PRKN: variants seen among roughly 807,000 people sequenced by gnomAD.
PRKN encodes the protein E3 ubiquitin-protein ligase parkin.
Under a neutral mutation model 59.5 loss-of-function variants are expected in PRKN, and 56 were observed. The observed-to-expected ratio is 0.94, with a 90% CI of 0.76 to 1.18. PRKN has a LOEUF of 1.18. Among genes scored for constraint, PRKN ranks in the 50% most tolerant of loss-of-function variants. The probability of loss-of-function intolerance (pLI) is 0.00; values close to 1 mark genes in which losing one functional copy is unlikely to be tolerated. For missense variants in PRKN, 657 were observed against 596.4 expected (o/e 1.10, Z -1.06); for synonymous variants, 250 against 222.1 (o/e 1.13, Z -1.12).
chr6:162,015,370 G>C (rs909559954), intron 5 of PRKN, among the ~76,000 whole-genome samples: 2 of 151,990 alleles, frequency 1.3e-5, no homozygotes, highest in Non-Finnish European at 2.9e-5. Flanking sequence ...AGAAACTAGA[G>C]AAAAAAAGAG....
intron 5 of PRKN, among the ~76,000 whole-genome samples, chr6:162,044,265 C>T (rs2128282807): frequency 6.6e-6 from 1 of 152,186 alleles, no homozygotes; most frequent in East Asian, 1.9e-4. Context: ...GAGATTACGC[C>T]TATTACGCTA....
chr6:161,592,705 T>G lies in PRKN; in HGVS notation c.872-23289A>C, dbSNP rs772724740. Among the ~76,000 whole-genome samples the G allele has an allele frequency of 1.3e-5, 2 of 152,060 alleles. No individual in the cohort carries two copies. Among genetic ancestry groups the G allele is most frequent in the Non-Finnish European group, 2.9e-5 (2 of 68,008 alleles). ...GAGGATCTGGAACATCAGCAAAGTC[T>G]TCACTAGGGAGGTCCCTTGTGCAGA... On this transcript the variant is annotated intron_variant, in intron 7 of 11. Coordinates refer to ENST00000366898, the MANE Select transcript of PRKN (RefSeq NM_004562.3). The surrounding 1 kb of genome is among the most constrained non-coding windows in gnomAD (Gnocchi z 4.8).
intron 1 of PRKN, among the ~76,000 whole-genome samples, chr6:162,682,939 T>C (rs140006281): frequency 5.6e-4 from 85 of 152,326 alleles, no homozygotes; most frequent in African/African-American, 2.0e-3. Context: ...ATACAGCTTA[T>C]ATTAAAAATG....
chr6:162,138,119 C>T (rs1292466852), intron 4 of PRKN, among the ~76,000 whole-genome samples: 1 of 152,100 alleles, frequency 6.6e-6, no homozygotes, highest in Non-Finnish European at 1.5e-5. Context: ...AAAGAAGTGA[C>T]TTGCACAGAG....
intron 5 of PRKN, among the ~76,000 whole-genome samples, chr6:162,032,523 G>T (rs916050034): frequency 6.6e-6 from 1 of 152,106 alleles, no homozygotes; most frequent in African/African-American, 2.4e-5. Context: ...CACCTCTAGA[G>T]AGGACAAAAT....
intron 7 of PRKN, 150 bp downstream of exon 7, chr6:161,785,622 C>T (rs1038403452): frequency 3.4e-5 from 27 of 797,616 alleles, no homozygotes; most frequent in East Asian, 1.1e-4. Flanking sequence ...TTATCTTTTG[C>T]GATCCAAACA....
At chr6:161,971,194 G>A (rs1449590783) in intron 6 of PRKN, among the ~76,000 whole-genome samples, 10 of 152,164 alleles carry the variant, frequency 6.6e-5, no homozygotes, top group African/African-American at 2.4e-4. Context: ...TTATCACCCT[G>A]TGTATCTGGG....
chr6:161,666,115 G>T (rs1182704403), intron 7 of PRKN, among the ~76,000 whole-genome samples: 1 of 152,150 alleles, frequency 6.6e-6, no homozygotes, highest in Admixed American at 6.5e-5. Context: ...CTAAGATCGA[G>T]AATAAATTAC....
intron 1 of PRKN, among the ~76,000 whole-genome samples, chr6:162,484,492 T>C (rs1242825031): frequency 1.3e-5 from 2 of 152,176 alleles, no homozygotes; most frequent in African/African-American, 2.4e-5. Context: ...AGTATCCAGA[T>C]AAACAATGTT....
intron 5 of PRKN, among the ~76,000 whole-genome samples, chr6:161,986,924 A>C (rs1781456245): frequency 6.6e-6 from 1 of 152,228 alleles, no homozygotes; most frequent in South Asian, 2.1e-4. Flanking sequence ...GAGCAAAAAG[A>C]AATATTGAGC....
In PRKN at chr6:162,468,496, G is replaced by A. The variant is rs1485560168; in HGVS notation, c.8-25023C>T. Among the ~76,000 whole-genome samples the A allele has an allele frequency of 4.6e-5, 7 of 150,868 alleles. No homozygotes were observed. In the South Asian group the frequency reaches 6.2e-4, roughly 13 times the overall value. Reference sequence around the variant, plus strand: ...AGAGGATATCATTTCTAAACTGTTCGGTAATCCCATAAATATAGGACACAC... The same window carrying A: ...AGAGGATATCATTTCTAAACTGTTCAGTAATCCCATAAATATAGGACACAC... On this transcript the variant is annotated intron_variant, in intron 1 of 11. Transcript: ENST00000366898.
intron 7 of PRKN, among the ~76,000 whole-genome samples, chr6:161,622,064 C>A (rs1782923946): frequency 6.6e-6 from 1 of 152,022 alleles, no homozygotes; most frequent in African/African-American, 2.4e-5. Flanking sequence ...CCTGTTAGGC[C>A]CCCCGTCTCC....
intron 4 of PRKN, among the ~76,000 whole-genome samples, chr6:162,131,952 G>T (rs1400615194): frequency 6.6e-6 from 1 of 152,220 alleles, no homozygotes; most frequent in Non-Finnish European, 1.5e-5. Flanking sequence ...GGCATGGAGT[G>T]TGGACTTGCA....
At chr6:161,921,131 GCTTT>G (rs557086578) in intron 6 of PRKN, among the ~76,000 whole-genome samples, 5 of 152,104 alleles carry the variant, frequency 3.3e-5, no homozygotes, top group African/African-American at 9.6e-5. Flanking sequence ...TATTCTATAT[GCTTT>G]TTTTCTGTTT....
chr6:162,727,760 A>G lies in PRKN; in HGVS notation c.-92T>C. ...CTCCCACCAGCGGCTCTCCTGGGTT[A>G]AATCCTCCAGGCCTCCCCGCCCCCG... On this transcript the variant is annotated 5_prime_UTR_variant, in exon 1 of 12. Transcript: ENST00000366898. 1 of 1,370,680 alleles carries G rather than the reference A, an allele frequency of 7.3e-7. No homozygotes were observed. The allele number at this position is 1,370,680 out of a possible 1,614,324, so 84.9% of individuals were successfully genotyped here. A position where few individuals can be genotyped will look rare whatever the true frequency, so the allele number is the denominator to read the frequency against.
chr6:162,332,069 C>G (rs570709465), intron 2 of PRKN, among the ~76,000 whole-genome samples: 5 of 152,284 alleles, frequency 3.3e-5, no homozygotes, highest in African/African-American at 1.2e-4. Flanking sequence ...GCCATCTGCT[C>G]TTTAAAGGTT....
At chr6:162,310,759 A>AC (rs1583355702) in intron 2 of PRKN, among the ~76,000 whole-genome samples, 1 of 53,162 alleles carries the variant, frequency 1.9e-5, no homozygotes, top group East Asian at 7.3e-4. Flanking sequence ...ATATATATAT[A>AC]TAAAAAAAAG....
Position 162,324,670 on chromosome 6 carries a change from T to C in PRKN, c.172-61905A>G, listed in dbSNP as rs1337053518. Among the ~76,000 whole-genome samples, 3 of 152,032 alleles carry C rather than the reference T, an allele frequency of 2.0e-5. 1 individual carries two copies. The highest frequency in any genetic ancestry group is 4.4e-5 in the Non-Finnish European group (3 of 68,024). On this transcript the variant is annotated intron_variant, in intron 2 of 11. Transcript: ENST00000366898. Reference sequence around the variant, plus strand: ...TGCACACACACTATAAACTCTAGTATATATAAAATAGTAAAAATATTGATC... The same window carrying C: ...TGCACACACACTATAAACTCTAGTACATATAAAATAGTAAAAATATTGATC...
chr6:161,377,936 C>T lies in PRKN; in HGVS notation c.1167+8858G>A, dbSNP rs1174904581. Among the ~76,000 whole-genome samples, 2 of 152,086 alleles carry T rather than the reference C, an allele frequency of 1.3e-5. No individual in the cohort carries two copies. The highest frequency in any genetic ancestry group is 2.9e-5 in the Non-Finnish European group (2 of 68,024). ...GAATAAATGTGTGTTGTTTATAAGC[C>T]AGCCAGTCTACGGTATTGAGTGACA... On this transcript the variant is annotated intron_variant, in intron 10 of 11. Transcript: ENST00000366898. This position sits in a 1 kb window ranked among gnomAD's most constrained non-coding sequence, Gnocchi z 4.2.
Sources: gnomAD v4.1 joint callset for allele counts (sites outside exome capture counted in the v4.1 genomes callset) on GRCh38, gnomAD v4.1.1 for gene constraint, Gnocchi (gnomAD v3.1) non-coding constraint, MANE v1.5 for transcripts, NCBI Gene and HGNC (gene_info 2026-07-23, HGNC 2026-07-21) for gene names.